Variants in KIF6 observed in about 807,000 individuals in gnomAD.
KIF6 encodes the protein kinesin-like protein KIF6.
KIF6 carries 106 observed loss-of-function variants against 112.7 expected under a neutral mutation model. That is an observed-to-expected ratio of 0.94 (90% CI 0.80 to 1.11). KIF6 has a LOEUF of 1.11. Among genes scored for constraint, KIF6 ranks in the 50% least tolerant of loss-of-function variants. The pLI is 0.00. For synonymous variants in KIF6, 339 were observed against 339.9 expected (o/e 1.00, Z 0.03); for missense variants, 929 against 964.0 (o/e 0.96, Z 0.48).
intron 13 of KIF6, among the ~76,000 whole-genome samples, chr6:39,513,011 T>TA (rs774585540): frequency 2.6e-5 from 4 of 152,234 alleles, no homozygotes; most frequent in South Asian, 4.1e-4. Flanking sequence ...ATAAGGGAAG[T>TA]AGGGCTCAGA....
At chr6:39,547,134 C>T (rs1226540495) in intron 10 of KIF6, among the ~76,000 whole-genome samples, 2 of 152,064 alleles carry the variant, frequency 1.3e-5, no homozygotes, top group Admixed American at 6.6e-5. Flanking sequence ...AAAATATTTG[C>T]ATACTTTCAG....
chr6:39,390,500 A>C (rs1767790733), intron 15 of KIF6, among the ~76,000 whole-genome samples: 1 of 152,192 alleles, frequency 6.6e-6, no homozygotes, highest in African/African-American at 2.4e-5. Flanking sequence ...TGGGACAATA[A>C]TGCAGAGGCC....
At chr6:39,648,230 G>C (rs929055296) in intron 3 of KIF6, among the ~76,000 whole-genome samples, 40 of 90,446 alleles carry the variant, frequency 4.4e-4, no homozygotes, top group African/African-American at 1.5e-3. Context: ...GGGCGGGGGG[G>C]GGTGCCTCAC....
intron 21 of KIF6, among the ~76,000 whole-genome samples, 186 bp from the exon 22 acceptor site, chr6:39,344,001 A>G (rs918120382): frequency 6.6e-6 from 1 of 152,064 alleles, no homozygotes; most frequent in Non-Finnish European, 1.5e-5. Context: ...TGTCATGCAA[A>G]TTGGGTCAAG....
chr6:39,492,907 ATTG>A (rs1335575858), intron 13 of KIF6, among the ~76,000 whole-genome samples: 1 of 152,138 alleles, frequency 6.6e-6, no homozygotes, highest in Admixed American at 6.5e-5. Flanking sequence ...TGTCATATTT[ATTG>A]TTGTGACTTC....
chr6:39,354,767 T>G (rs1355591140), intron 19 of KIF6, among the ~76,000 whole-genome samples: 1 of 152,196 alleles, frequency 6.6e-6, no homozygotes. Context: ...ATACCATGAT[T>G]TCATTAATTT....
chr6:39,402,152 CAGAT>C (rs1339471114), intron 15 of KIF6, among the ~76,000 whole-genome samples: 1 of 152,126 alleles, frequency 6.6e-6, no homozygotes, highest in Non-Finnish European at 1.5e-5. Flanking sequence ...AGTGACACCT[CAGAT>C]AGGAAGCTCT....
intron 10 of KIF6, among the ~76,000 whole-genome samples, chr6:39,553,431 G>A (rs1018368745): frequency 2.0e-5 from 3 of 152,168 alleles, no homozygotes; most frequent in Admixed American, 2.0e-4. Flanking sequence ...TAGCAAATGC[G>A]AAAAATCAAA....
chr6:39,435,570 CTG>C (rs1771465788), intron 13 of KIF6, among the ~76,000 whole-genome samples: 1 of 151,602 alleles, frequency 6.6e-6, no homozygotes, highest in South Asian at 2.1e-4. Flanking sequence ...TTATACCACT[CTG>C]TACAAATTTG....
intron 5 of KIF6, among the ~76,000 whole-genome samples, chr6:39,619,885 T>A (rs1783722033): frequency 6.6e-6 from 1 of 152,214 alleles, no homozygotes; most frequent in Admixed American, 6.5e-5. Flanking sequence ...ATAATAAAGT[T>A]TTAGATTGCT....
At chr6:39,552,788 G>C (rs1030490938) in intron 10 of KIF6, among the ~76,000 whole-genome samples, 6 of 152,144 alleles carry the variant, frequency 3.9e-5, no homozygotes, top group Non-Finnish European at 7.4e-5. Context: ...TGAAATGGTA[G>C]GGGGCAAAGG....
chr6:39,399,262 A>C (rs1768506795), intron 15 of KIF6, among the ~76,000 whole-genome samples: 1 of 152,224 alleles, frequency 6.6e-6, no homozygotes, highest in South Asian at 2.1e-4. Flanking sequence ...CACCTGCTGT[A>C]GCTCTTTGGG....
intron 8 of KIF6, 44 bp downstream of exon 8, chr6:39,586,217 G>C: frequency 6.2e-7 from 1 of 1,609,582 alleles, no homozygotes; most frequent in East Asian, 2.2e-5. Context: ...CGTGCTAGCA[G>C]TAAAAACCTA....
intron 3 of KIF6, among the ~76,000 whole-genome samples, chr6:39,644,930 A>C (rs147345975): frequency 3.9e-5 from 6 of 152,332 alleles, no homozygotes; most frequent in Non-Finnish European, 5.9e-5. Flanking sequence ...TTAAAGACAG[A>C]GAGAAGGGTA....
intron 16 of KIF6, among the ~76,000 whole-genome samples, chr6:39,371,981 C>G (rs1419146798): frequency 1.3e-5 from 2 of 152,170 alleles, no homozygotes; most frequent in Non-Finnish European, 2.9e-5. Flanking sequence ...TTCCTCTAAT[C>G]CCTTCTTGAG....
In KIF6 at chr6:39,672,301, A is replaced by T. The variant is rs141840835; in HGVS notation, c.252-32544T>A. Among the ~76,000 whole-genome samples the T allele has an allele frequency of 8.8e-3, 1,334 of 152,278 alleles. 13 individuals are homozygous for T. The highest frequency in any genetic ancestry group is 0.012 in the Non-Finnish European group (802 of 68,016). On this transcript the variant is annotated intron_variant, in intron 3 of 22. Transcript: ENST00000287152. ...CCAGCTAGAAACTTAACTCTTGTTT[A>T]TATCAATTAGCTTATGGTAACATTG...
intron 16 of KIF6, among the ~76,000 whole-genome samples, chr6:39,368,809 A>G (rs1765757091): frequency 6.6e-6 from 1 of 152,204 alleles, no homozygotes; most frequent in Non-Finnish European, 1.5e-5. Context: ...CATTCACCAA[A>G]GCCAAAAGGG....
intron 14 of KIF6, among the ~76,000 whole-genome samples, chr6:39,422,127 C>A (rs114763246): frequency 0.013 from 1,978 of 152,258 alleles, 44 homozygotes; most frequent in African/African-American, 0.045. Context: ...AGCAAGGGTG[C>A]AAAACTGCTG....
chr6:39,639,024 A>G (rs1469545042), intron 4 of KIF6, among the ~76,000 whole-genome samples: 1 of 152,134 alleles, frequency 6.6e-6, no homozygotes, highest in Non-Finnish European at 1.5e-5. Flanking sequence ...CCTGAGGCTC[A>G]GTATTCCCAA....
Sources: gnomAD v4.1 joint callset for allele counts (sites outside exome capture counted in the v4.1 genomes callset) on GRCh38, gnomAD v4.1.1 for gene constraint, MANE v1.5 for transcripts, NCBI Gene and HGNC (gene_info 2026-07-23, HGNC 2026-07-21) for gene names.